CA11: variants seen among roughly 807,000 people sequenced by gnomAD.
The protein encoded by CA11 is carbonic anhydrase 11 (inactive), also known as carbonic anhydrase-related protein 11.
CA11 carries 20 observed loss-of-function variants against 39.3 expected under a neutral mutation model. That is an observed-to-expected ratio of 0.51 (90% confidence interval 0.36 to 0.74). CA11 has a LOEUF of 0.74. Among genes scored for constraint, CA11 ranks in the 30% least tolerant of loss-of-function variants. CA11 has a pLI of 0.00. For missense variants in CA11, 336 were observed against 424.6 expected, an observed-to-expected ratio of 0.79 and a Z score of 1.83; for synonymous variants, 166 against 172.5, an observed-to-expected ratio of 0.96 and a Z score of 0.29.
At chr19:48,641,904 A>C (rs990250318) in intron 3 of CA11, among the ~76,000 whole-genome samples, 1 of 140,736 alleles carries the variant, frequency 7.1e-6, no homozygotes, top group Non-Finnish European at 1.5e-5. Flanking sequence ...GGCTCAAGTC[A>C]TCATCCTGCC....
chr19:48,639,434 C>T lies in CA11; in HGVS notation c.666G>A (p.Leu222=). 1 of 1,613,804 alleles carries T rather than the reference C, an allele frequency of 6.2e-7. No individual in the cohort carries two copies. The highest frequency in any genetic ancestry group is 8.5e-7 in the Non-Finnish European group (1 of 1,179,946). ...ATTCAGGGAACAGGAGCTCCAGGCT[C>T]AGGTCTTGAAGAAAGTAGGCATCAT... ...YKNDAYFLQD[L]SLELLFPESF... is the part of the protein sequence containing the mutation. Residue 222 remains leucine, a synonymous_variant, in exon 7 of 9, where the codon CTG becomes CTA. Coordinates refer to ENST00000084798, the MANE Select transcript of CA11 (RefSeq NM_001217.5).
At chr19:48,639,661 G>A (rs1016402001) in intron 5 of CA11, 40 bp from the exon 6 acceptor site, 16 of 1,607,812 alleles carry the variant, frequency 1.0e-5, no homozygotes, top group Non-Finnish European at 1.4e-5. Context: ...GAGCCCAGAA[G>A]TCCAAGCCCT....
chr19:48,645,312 G>C (rs551658222), intron 2 of CA11, 91 bp downstream of exon 2: 76 of 1,142,256 alleles, frequency 6.7e-5, no homozygotes, highest in Middle Eastern at 2.1e-4. Context: ...CTGGTCCTGG[G>C]GGGGAGGAGG....
rs915819246 is a variant in CA11 at position 48,645,616 on chromosome 19, C to A, written c.17G>T (p.Arg6Leu). The A allele has an allele frequency of 3.4e-5, 55 of 1,596,196 alleles. No individual in the cohort carries two copies. Among genetic ancestry groups the A allele is most frequent in the Non-Finnish European group, 4.3e-5 (50 of 1,171,986 alleles). Reference sequence around the variant, plus strand: ...TACCAGCGCTCGAGGGGCGCTCAGACGAGCTGCAGCCCCCATCCCCAGGAG... The same window carrying A: ...TACCAGCGCTCGAGGGGCGCTCAGAAGAGCTGCAGCCCCCATCCCCAGGAG... MGAAA[R>L]LSAPRALVLW... is the part of the protein sequence containing the mutation. The change falls in exon 1 of 9, where the codon CGT (arginine) becomes CTT (leucine). Residue 6 changes from arginine to leucine, a missense_variant. Transcript: ENST00000084798.
In CA11 at chr19:48,645,660, C is replaced by T; in HGVS notation, c.-28G>A. ...CCAGGAGGCCTCCGAGGGACCCCTG[C>T]CCAACGCCCTGCCCCCCTCTCTCAG... On this transcript the variant is annotated 5_prime_UTR_variant, in exon 1 of 9. Transcript: ENST00000084798. The T allele has an allele frequency of 1.3e-6, 2 of 1,507,362 alleles. No homozygotes were observed. The highest frequency in any genetic ancestry group is 1.8e-6 in the Non-Finnish European group (2 of 1,125,528). 93.4% of individuals were successfully genotyped at this position (1,507,362 alleles called of 1,614,324 possible).
rs1242184328 is a variant in CA11, at chr19:48,638,019, A to G, written c.*100T>C. 4.9e-6 allele frequency: 4 copies of G among 813,374 alleles called. No homozygotes were observed. In the African/African-American group the frequency reaches 5.4e-5, roughly 11 times the overall value. The allele number at this position is 813,374 out of a possible 1,614,324, so 50.4% of individuals were successfully genotyped here. ...CCTAGAATCAGACCACTGAGAAAAC[A>G]GGAAGTATTCTGTCCCTTTAATAGC... is the stretch of plus-strand genomic sequence containing the variant. On this transcript the variant is annotated 3_prime_UTR_variant, in exon 9 of 9. Transcript: ENST00000084798.
intron 3 of CA11, 103 bp downstream of exon 3, chr19:48,644,324 C>CA (rs2031179453): frequency 8.9e-7 from 1 of 1,121,220 alleles, no homozygotes; most frequent in Admixed American, 2.5e-5. Context: ...TGGGTGTCCC[C>CA]TCCTCCCCCA....
At chr19:48,645,258 A>C in intron 2 of CA11, 145 bp downstream of exon 2, 2 of 672,262 alleles carry the variant, frequency 3.0e-6, no homozygotes, top group Non-Finnish European at 5.1e-6. Context: ...TGGGGTTCAG[A>C]AGCTGGCCCG....
At position 48,638,068 on chromosome 19, in the gene CA11, C is replaced by T. The variant is rs753345172; in HGVS notation, c.*51G>A. 4 of 1,394,608 alleles carry T rather than the reference C, an allele frequency of 2.9e-6. No homozygotes were observed. The highest frequency in any genetic ancestry group is 3.8e-6 in the Non-Finnish European group (4 of 1,052,818). The allele number at this position is 1,394,608 out of a possible 1,614,324, so 86.4% of individuals were successfully genotyped here. On this transcript the variant is annotated 3_prime_UTR_variant, in exon 9 of 9. Transcript: ENST00000084798. ...GCTTTGTTTTAGGGGTAACTCCCCT[C>T]GCCTTGTGGGGAGGCTTAGGACGGG... is the stretch of plus-strand genomic sequence containing the variant.
chr19:48,645,539 G>T (rs781678825), intron 1 of CA11, 27 bp downstream of exon 1: 2 of 1,597,530 alleles, frequency 1.3e-6, no homozygotes, highest in Non-Finnish European at 1.7e-6. Context: ...TCCCTCGGGG[G>T]CTCCTCCCGG....
At chr19:48,638,442 C>A in intron 8 of CA11, 1 of 1,000,340 alleles carries the variant, frequency 1.0e-6, no homozygotes, top group Non-Finnish European at 1.2e-6. Flanking sequence ...TGGGCTAAAC[C>A]ACAGGGAGGC....
In CA11 at chr19:48,638,885, T is replaced by A. The variant is rs2030950596; in HGVS notation, c.961+3A>T. On this transcript the variant is annotated splice_donor_region_variant and intron_variant, in intron 8 of 8. Coordinates refer to ENST00000084798, the MANE Select transcript of CA11 (RefSeq NM_001217.5). Reference sequence around the variant, plus strand: ...CTTAGAGGGGGTGCAGACTGGACCATACCATGCAGGCGGTAGTTGGGGCCT... The same window carrying A: ...CTTAGAGGGGGTGCAGACTGGACCAAACCATGCAGGCGGTAGTTGGGGCCT... The A allele has an allele frequency of 6.3e-7, 1 of 1,582,542 alleles. No individual in the cohort carries two copies. Among genetic ancestry groups the A allele is most frequent in the Non-Finnish European group, 8.6e-7 (1 of 1,166,922 alleles).
intron 8 of CA11, 29 bp from the exon 9 acceptor site, chr19:48,638,173 C>T: frequency 8.0e-7 from 1 of 1,244,756 alleles, no homozygotes; most frequent in Non-Finnish European, 1.0e-6. Flanking sequence ...CGGCAGGGGG[C>T]GTCAGTATAG....
rs752240582 is a variant in CA11 at position 48,640,107 on chromosome 19, G to C, written c.459C>G (p.Gly153=). ...AGSEHQINHQ[G]FSAEVQLIHF... is the part of the protein sequence containing the mutation. Reference sequence around the variant, plus strand: ...CAGTGGCCACTACCTCAGCAGAGAAGCCCTGGTGGTTGATCTGATGTTCCG... The same window carrying C: ...CAGTGGCCACTACCTCAGCAGAGAACCCCTGGTGGTTGATCTGATGTTCCG... Residue 153 remains glycine (G), a synonymous_variant, in exon 4 of 9, where the codon GGC becomes GGG. Transcript: ENST00000084798. The C allele has an allele frequency of 2.5e-6, 4 of 1,613,508 alleles. No homozygotes were observed. Among genetic ancestry groups the C allele is most frequent in the Non-Finnish European group, 2.5e-6 (3 of 1,179,586 alleles).
At chr19:48,641,630 G>A (rs1170262127) in intron 3 of CA11, among the ~76,000 whole-genome samples, 1 of 151,976 alleles carries the variant, frequency 6.6e-6, no homozygotes, top group Non-Finnish European at 1.5e-5. Flanking sequence ...TCCCTGCAAA[G>A]GTGACATTTT....
chr19:48,638,048 G>T lies in CA11; in HGVS notation c.*71C>A. The T allele has an allele frequency of 2.6e-6, 3 of 1,171,390 alleles. No individual in the cohort carries two copies. Among genetic ancestry groups the T allele is most frequent in the African/African-American group, 1.6e-5 (1 of 62,354 alleles). 72.6% of individuals were successfully genotyped at this position (1,171,390 alleles called of 1,614,324 possible). A position where few individuals can be genotyped will look rare whatever the true frequency, so the allele number is the denominator to read the frequency against. The stretch of plus-strand genomic sequence containing the variant: ...AGTATTCTGTCCCTTTAATAGCTTT[G>T]TTTTAGGGGTAACTCCCCTCGCCTT... On this transcript the variant is annotated 3_prime_UTR_variant, in exon 9 of 9. Coordinates refer to ENST00000084798, the MANE Select transcript of CA11 (RefSeq NM_001217.5).
Position 48,645,925 on chromosome 19 carries a change from T to C in CA11, c.-293A>G. On this transcript the variant is annotated 5_prime_UTR_variant, in exon 1 of 9. Transcript: ENST00000084798. ...CTTCCTACTCCTCTCAGCCTTCTGC[T>C]GCCCCCAGGGCTACCTCTTGGTTCC... is the stretch of plus-strand genomic sequence containing the variant. 2.1e-6 allele frequency: 1 copy of C among 474,928 alleles called. No individual in the cohort carries two copies. The highest frequency in any genetic ancestry group is 3.7e-6 in the Non-Finnish European group (1 of 271,862). 29.4% of individuals were successfully genotyped at this position (474,928 alleles called of 1,614,324 possible). A position where few individuals can be genotyped will look rare whatever the true frequency, so the allele number is the denominator to read the frequency against.
rs12052102 is a variant in CA11 at position 48,644,402 on chromosome 19, T to C, written c.285+25A>G. On this transcript the variant is annotated intron_variant, in intron 3 of 8. Coordinates refer to ENST00000084798, the MANE Select transcript of CA11 (RefSeq NM_001217.5). Reference sequence around the variant, plus strand: ...TCATGCCCATCCCCAGTGGGTTCAATAGCTCCTCCCTCCAAGCCCCTTACC... The same window carrying C: ...TCATGCCCATCCCCAGTGGGTTCAACAGCTCCTCCCTCCAAGCCCCTTACC... 998 of 1,546,522 alleles carry C rather than the reference T, an allele frequency of 6.5e-4. 10 individuals carry two copies. The East Asian group carries it at 0.02, about 31-fold the overall frequency.
chr19:48,639,506 C>T (rs1601187213), intron 6 of CA11, 43 bp downstream of exon 6: 2 of 1,613,918 alleles, frequency 1.2e-6, no homozygotes, highest in African/African-American at 2.7e-5. Context: ...ACTCTTGAAC[C>T]CCCTCGTGTG....
Sources: gnomAD v4.1 joint callset for allele counts (sites outside exome capture counted in the v4.1 genomes callset) on GRCh38, gnomAD v4.1.1 for gene constraint, MANE v1.5 for transcripts, NCBI Gene and HGNC (gene_info 2026-07-23, HGNC 2026-07-21) for gene names.